Variants in SLC7A14 observed in about 807,000 individuals in gnomAD.
SLC7A14 encodes the protein gamma-aminobutyric acid transporter SLC7A14.
SLC7A14 carries 37 observed loss-of-function variants against 60.2 expected under a neutral mutation model. That is an observed-to-expected ratio of 0.61 (90% CI 0.47 to 0.81). The LOEUF (loss-of-function observed/expected upper bound fraction) is 0.81, where lower values mean the gene tolerates loss of function less well. Among genes scored for constraint, SLC7A14 ranks in the 30% least tolerant of loss-of-function variants. The pLI is 0.00. For synonymous variants in SLC7A14, 399 were observed against 395.8 expected, an observed-to-expected ratio of 1.01 and a Z score of -0.10; for missense variants, 886 against 982.7, an observed-to-expected ratio of 0.90 and a Z score of 1.32.
At position 170,571,979 on chromosome 3, in the gene SLC7A14, T is replaced by A. The variant is rs1232261761; in HGVS notation, c.-153+13932A>T. ...AGGAGGCTGAGGCAGGAGAATCACTTGAGCCCAGGAAATGGAGGTTGCAGA... is the reference window on the plus strand; with the variant it reads ...AGGAGGCTGAGGCAGGAGAATCACTAGAGCCCAGGAAATGGAGGTTGCAGA... On this transcript the variant is annotated intron_variant, in intron 1 of 7. Transcript: ENST00000231706. Among the ~76,000 whole-genome samples, 6 of 147,958 alleles carry A rather than the reference T, an allele frequency of 4.1e-5. No individual in the cohort carries two copies. In the East Asian group the frequency reaches 1.2e-3, roughly 30 times the overall value.
intron 7 of SLC7A14, among the ~76,000 whole-genome samples, chr3:170,473,746 G>C (rs1711518399): frequency 6.6e-6 from 1 of 152,044 alleles, no homozygotes; most frequent in Non-Finnish European, 1.5e-5. Flanking sequence ...AACAAGGCTT[G>C]TTTAATATGG....
At chr3:170,525,754 T>C (rs987837321) in intron 2 of SLC7A14, among the ~76,000 whole-genome samples, 1 of 152,082 alleles carries the variant, frequency 6.6e-6, no homozygotes, top group African/African-American at 2.4e-5. Context: ...CCAGAATAAT[T>C]CTCTGTATTG....
At chr3:170,514,755 G>C (rs1713097514) in intron 2 of SLC7A14, among the ~76,000 whole-genome samples, 1 of 152,252 alleles carries the variant, frequency 6.6e-6, no homozygotes, top group Non-Finnish European at 1.5e-5. Flanking sequence ...ATTGGAACCA[G>C]GACTACTCAT....
At chr3:170,477,216 AC>A in intron 7 of SLC7A14, among the ~76,000 whole-genome samples, 1 of 152,312 alleles carries the variant, frequency 6.6e-6, no homozygotes, top group African/African-American at 2.4e-5. Context: ...TCTTTGAATA[AC>A]TTCCTGTTGA....
At chr3:170,523,450 G>A (rs1454972870) in intron 2 of SLC7A14, among the ~76,000 whole-genome samples, 1 of 151,940 alleles carries the variant, frequency 6.6e-6, no homozygotes, top group Non-Finnish European at 1.5e-5. Flanking sequence ...ATGAGTCATC[G>A]TCACTCTTGT....
Position 170,459,839 on chromosome 3 carries a change from G to A in SLC7A14, c.*7216C>T, listed in dbSNP as rs1267578425. On this transcript the variant is annotated 3_prime_UTR_variant, in exon 8 of 8. Transcript: ENST00000231706. ...CGTGTAAAAGCTTTACATTACTATG[G>A]ATATTTTATAGTAAGACACTTTTGT... is the stretch of plus-strand genomic sequence containing the variant. 4 of 151,720 alleles carry A rather than the reference G, an allele frequency of 2.6e-5. No individual in the cohort carries two copies. Among genetic ancestry groups the A allele is most frequent in the African/African-American group, 9.7e-5 (4 of 41,282 alleles). The allele number at this position is 151,720 out of a possible 1,614,324, so 9.4% of individuals were successfully genotyped here.
intron 2 of SLC7A14, among the ~76,000 whole-genome samples, chr3:170,513,072 G>T (rs1295057196): frequency 1.3e-5 from 2 of 152,096 alleles, no homozygotes; most frequent in African/African-American, 4.8e-5. Context: ...ATTGTTTCTA[G>T]CTAAGTAGCT....
In SLC7A14 at chr3:170,532,251, G is replaced by A. The variant is rs1184363868; in HGVS notation, c.-152-5163C>T. On this transcript the variant is annotated intron_variant, in intron 1 of 7. Coordinates refer to ENST00000231706, the MANE Select transcript of SLC7A14 (RefSeq NM_020949.3). This position sits in a 1 kb window ranked among gnomAD's most constrained non-coding sequence, Gnocchi z 4.0. ...TGATGTCCCCAGGAAAAATGAGGCT[G>A]CAGTTAGAGTAAACGTTGCCTGGTT... 6.6e-6 allele frequency among the ~76,000 whole-genome samples: 1 copy of A among 151,758 alleles called. No individual in the cohort carries two copies.
Position 170,539,880 on chromosome 3 carries a change from A to G in SLC7A14, c.-152-12792T>C, listed in dbSNP as rs145609369. 3.1e-3 allele frequency among the ~76,000 whole-genome samples: 472 copies of G among 152,334 alleles called. 8 individuals carry two copies. The highest frequency in any genetic ancestry group is 0.011 in the East Asian group (59 of 5,188). On this transcript the variant is annotated intron_variant, in intron 1 of 7. Coordinates refer to ENST00000231706, the MANE Select transcript of SLC7A14 (RefSeq NM_020949.3). Reference sequence around the variant, plus strand: ...GTTTAATTAATAGATTAGCCACAGTAAGAGATTAACAACAATAACTAATAT... The same window carrying G: ...GTTTAATTAATAGATTAGCCACAGTGAGAGATTAACAACAATAACTAATAT...
At chr3:170,559,702 C>T (rs1714587765) in intron 1 of SLC7A14, among the ~76,000 whole-genome samples, 1 of 152,202 alleles carries the variant, frequency 6.6e-6, no homozygotes, top group Admixed American at 6.5e-5. Flanking sequence ...ATTCAAGTGA[C>T]ATAATACAGT....
At chr3:170,522,453 G>A (rs1451285309) in intron 2 of SLC7A14, among the ~76,000 whole-genome samples, 1 of 152,208 alleles carries the variant, frequency 6.6e-6, no homozygotes. Context: ...ATACTACTCA[G>A]CAAGAAAATG....
At position 170,535,866 on chromosome 3, in the gene SLC7A14, G is replaced by A. The variant is rs1020165685; in HGVS notation, c.-152-8778C>T. Among the ~76,000 whole-genome samples the A allele has an allele frequency of 2.6e-5, 4 of 152,164 alleles. No homozygotes were observed. Among genetic ancestry groups the A allele is most frequent in the Admixed American group, 2.0e-4 (3 of 15,270 alleles). ...TTGCCTCATGATTTCTCTGCCCACTGCCCTCATCTTTATATATATTAACAG... is the reference window on the plus strand; with the variant it reads ...TTGCCTCATGATTTCTCTGCCCACTACCCTCATCTTTATATATATTAACAG... On this transcript the variant is annotated intron_variant, in intron 1 of 7. Transcript: ENST00000231706. This position sits in a 1 kb window ranked among gnomAD's most constrained non-coding sequence, Gnocchi z 4.3.
Position 170,462,570 on chromosome 3 carries a change from A to G in SLC7A14, c.*4485T>C, listed in dbSNP as rs1298248776. ...CCATTATGTAGGCATTTGATTAGCT[A>G]CTAGTTTGTTACTAAGAAGTAGAAC... is the stretch of plus-strand genomic sequence containing the variant. On this transcript the variant is annotated 3_prime_UTR_variant, in exon 8 of 8. Coordinates refer to ENST00000231706, the MANE Select transcript of SLC7A14 (RefSeq NM_020949.3). 6.6e-6 allele frequency: 1 copy of G among 152,200 alleles called. No individual in the cohort carries two copies. The highest frequency in any genetic ancestry group is 1.5e-5 in the Non-Finnish European group (1 of 68,034). The allele number at this position is 152,200 out of a possible 1,614,324, so 9.4% of individuals were successfully genotyped here. A position where few individuals can be genotyped will look rare whatever the true frequency, so the allele number is the denominator to read the frequency against.
chr3:170,562,192 C>G (rs1226584095), intron 1 of SLC7A14, among the ~76,000 whole-genome samples: 1 of 152,180 alleles, frequency 6.6e-6, no homozygotes, highest in Admixed American at 6.5e-5. Context: ...CTTGCACACA[C>G]ATATCTAGAG....
intron 2 of SLC7A14, among the ~76,000 whole-genome samples, chr3:170,504,830 G>T (rs1379725501): frequency 1.3e-5 from 2 of 152,146 alleles, no homozygotes; most frequent in Non-Finnish European, 2.9e-5. Context: ...TGAACCAATG[G>T]TTCTCAGTGA....
At chr3:170,523,847 C>A (rs1393585304) in intron 2 of SLC7A14, among the ~76,000 whole-genome samples, 1 of 152,180 alleles carries the variant, frequency 6.6e-6, no homozygotes, top group African/African-American at 2.4e-5. Flanking sequence ...ACTGGAGCAG[C>A]ACTTCCTTTA....
chr3:170,498,955 C>T (rs931342119), intron 3 of SLC7A14, 71 bp from the exon 4 acceptor site: 2 of 1,433,796 alleles, frequency 1.4e-6, no homozygotes, highest in African/African-American at 2.8e-5. Flanking sequence ...TGGTCCTACC[C>T]CACTGCATCC....
At chr3:170,575,649 A>G (rs1715068209) in intron 1 of SLC7A14, among the ~76,000 whole-genome samples, 3 of 152,258 alleles carry the variant, frequency 2.0e-5, no homozygotes, top group Non-Finnish European at 4.4e-5. Flanking sequence ...ACAGAGCAGG[A>G]CAAAATGCTA....
At chr3:170,562,248 C>A (rs552946492) in intron 1 of SLC7A14, among the ~76,000 whole-genome samples, 1 of 152,118 alleles carries the variant, frequency 6.6e-6, no homozygotes, top group Non-Finnish European at 1.5e-5. Flanking sequence ...GCCCAAATAC[C>A]CATCAATCAA....
Sources: allele counts gnomAD v4.1 joint callset (sites outside exome capture counted in the v4.1 genomes callset), GRCh38; gene constraint gnomAD v4.1.1; non-coding constraint Gnocchi (gnomAD v3.1); transcripts MANE v1.5; gene names NCBI Gene and HGNC (gene_info 2026-07-23, HGNC 2026-07-21).